Variants in WDR90 observed in about 807,000 individuals in gnomAD.
The protein encoded by WDR90 is WD repeat domain 90, also known as WD repeat-containing protein 90.
In WDR90, 238 loss-of-function variants were observed where a neutral mutation model predicts 195.2. The observed-to-expected ratio is 1.22, with a 90% CI of 1.10 to 1.36. WDR90 has a LOEUF of 1.36. Among genes scored for constraint, WDR90 ranks in the 40% most tolerant of loss-of-function variants. The probability of loss-of-function intolerance (pLI) is 0.00; values close to 1 mark genes in which losing one functional copy is unlikely to be tolerated. For synonymous variants in WDR90, 1,265 were observed against 1,052.4 expected (o/e 1.20, Z -3.91); for missense variants, 2,734 against 2,439.5 (o/e 1.12, Z -2.54).
At chr16:664,619 C>T (rs540292275) in intron 34 of WDR90, among the ~76,000 whole-genome samples, 100 of 152,160 alleles carry the variant, frequency 6.6e-4, no homozygotes, top group Non-Finnish European at 1.0e-3. Flanking sequence ...AGGGCCCTCC[C>T]GGGGAGATGG....
Position 660,059 on chromosome 16 carries a change from C to G in WDR90, c.3186C>G (p.Gly1062=). The G allele has an allele frequency of 6.5e-7, 1 of 1,541,376 alleles. No homozygotes were observed. The highest frequency in any genetic ancestry group is 8.7e-7 in the Non-Finnish European group (1 of 1,145,700). The change falls in exon 27 of 41, where the codon GGC becomes GGG. Residue 1062 remains glycine, a splice_region_variant and synonymous_variant. Coordinates refer to ENST00000293879, the MANE Select transcript of WDR90 (RefSeq NM_145294.5). ...VCARPPEGGD[G]ARDTRNSGAP... is the part of the protein sequence containing the mutation. Reference sequence around the variant, plus strand: ...CAAGCTCTGCCTCCTCCCTGCCAGGCGCCAGGGACACCAGGAATTCGGGGG... The same window carrying G: ...CAAGCTCTGCCTCCTCCCTGCCAGGGGCCAGGGACACCAGGAATTCGGGGG...
At position 649,454 on chromosome 16, in the gene WDR90, G is replaced by GGGTCCC. The variant is rs2037592571; in HGVS notation, c.10+29_10+30insGTCCCG. Reference sequence around the variant, plus strand: ...AGCGCGCGGCTGGCGGGGGTCCCGAGGATCCCGGGTTCCGGGGTTCCGGGG... The same window carrying GGGTCCC: ...AGCGCGCGGCTGGCGGGGGTCCCGAGGGTCCCGATCCCGGGTTCCGGGGTTCCGGGG... On this transcript the variant is annotated intron_variant, in intron 1 of 40. Coordinates refer to ENST00000293879, the MANE Select transcript of WDR90 (RefSeq NM_145294.5). 3.1e-6 allele frequency: 4 copies of GGGTCCC among 1,296,008 alleles called. No individual in the cohort carries two copies. In the African/African-American group the frequency reaches 4.6e-5, roughly 15 times the overall value. 80.3% of individuals were successfully genotyped at this position (1,296,008 alleles called of 1,614,324 possible). A position where few individuals can be genotyped will look rare whatever the true frequency, so the allele number is the denominator to read the frequency against.
chr16:659,091 A>G lies in WDR90; in HGVS notation c.3017A>G (p.Gln1006Arg), dbSNP rs748343777. ...WDVLAPTESD[Q>R]SFPGAPPACK... The stretch of plus-strand genomic sequence containing the variant: ...CCTCTCTCCTCCCTCTCCAGCGACC[A>G]AAGCTTCCCCGGGGCCCCCCCAGCC... Residue 1006 changes from glutamine to arginine, a missense_variant, in exon 25 of 41, where the codon CAA (glutamine) becomes CGA (arginine). Physicochemically the swap from Gln to Arg is conservative, Grantham distance 43. Transcript: ENST00000293879. The G allele has an allele frequency of 3.7e-6, 6 of 1,612,786 alleles. No homozygotes were observed. The highest frequency in any genetic ancestry group is 3.3e-5 in the South Asian group (3 of 91,074).
Position 667,584 on chromosome 16 carries a change from C to G in WDR90, c.5242C>G (p.Leu1748Val), listed in dbSNP as rs746002839. The change falls in exon 41 of 41, where the codon CTC (leucine) becomes GTC (valine). Residue 1748 changes from leucine to valine, a missense_variant. By Grantham distance (32) the Leu-to-Val change is conservative (BLOSUM62 1). Coordinates refer to ENST00000293879, the MANE Select transcript of WDR90 (RefSeq NM_145294.5). ...NEILVWEVPG[L>V] Reference sequence around the variant, plus strand: ...GATCCTTGTGTGGGAGGTCCCCGGCCTCTGAGATGCAGCAGGGACTGTGGT... The same window carrying G: ...GATCCTTGTGTGGGAGGTCCCCGGCGTCTGAGATGCAGCAGGGACTGTGGT... 2 of 1,607,688 alleles carry G rather than the reference C, an allele frequency of 1.2e-6. No individual in the cohort carries two copies. Among genetic ancestry groups the G allele is most frequent in the East Asian group, 2.2e-5 (1 of 44,894 alleles).
chr16:666,955 C>T lies in WDR90; in HGVS notation c.5055C>T (p.Ser1685=), dbSNP rs776638027. 1 of 1,611,280 alleles carries T rather than the reference C, an allele frequency of 6.2e-7. No individual in the cohort carries two copies. The highest frequency in any genetic ancestry group is 2.2e-5 in the East Asian group (1 of 44,744). ...TTTTTGCCATGTCCCTGAGCCTGTC[C>T]CCCGGGACCCACCTCCTGGCTGTTG... ...LPFFAMSLSL[S]PGTHLLAVGF... The change falls in exon 40 of 41, where the codon TCC becomes TCT. Residue 1685 remains serine, a synonymous_variant. Transcript: ENST00000293879.
chr16:662,317 G>A lies in WDR90; in HGVS notation c.4131G>A (p.Lys1377=). ...GGGCTGTGTCGGAGCTGAGGTGCAAGGGCTCAGGCGCCAGGTGAGCTGTTC... is the reference window on the plus strand; with the variant it reads ...GGGCTGTGTCGGAGCTGAGGTGCAAAGGCTCAGGCGCCAGGTGAGCTGTTC... ...AVGAVSELRC[K]GSGASSVFME... The change falls in exon 33 of 41, where the codon AAG becomes AAA. Residue 1377 remains lysine, a synonymous_variant. Transcript: ENST00000293879. 6.4e-7 allele frequency: 1 copy of A among 1,566,192 alleles called. No homozygotes were observed. The highest frequency in any genetic ancestry group is 8.6e-7 in the Non-Finnish European group (1 of 1,156,778).
chr16:652,243 C>G lies in WDR90; in HGVS notation c.1053+204C>G, dbSNP rs75103814. ...AGTAAGGCAGGGCTTCTGCTCACCC[C>G]CAATGCGTCAGCCCCAGGTGGTCTG... On this transcript the variant is annotated intron_variant, in intron 9 of 40. Transcript: ENST00000293879. 8.2e-4 allele frequency: 664 copies of G among 805,300 alleles called. 2 individuals carry two copies. In the African/African-American group the frequency reaches 9.1e-3, roughly 11 times the overall value. The allele number at this position is 805,300 out of a possible 1,614,324, so 49.9% of individuals were successfully genotyped here.
At chr16:661,281 C>CCCAGCCTCCACTCCAG in intron 29 of WDR90, 61 bp from the exon 30 acceptor site, 2 of 1,540,202 alleles carry the variant, frequency 1.3e-6, no homozygotes, top group Non-Finnish European at 1.7e-6. Flanking sequence ...AGACGGCCAC[C>CCCAGCCTCCACTCCAG]CCAGCCTCCA....
chr16:655,265 G>A (rs774521194), intron 14 of WDR90, 42 bp from the exon 15 acceptor site: 14 of 1,610,460 alleles, frequency 8.7e-6, no homozygotes, highest in Admixed American at 3.3e-5. Context: ...GTGGGTCAGG[G>A]CGCTGCGAGC....
chr16:653,047 G>A (rs1030941138), intron 10 of WDR90, among the ~76,000 whole-genome samples: 4 of 152,196 alleles, frequency 2.6e-5, no homozygotes, highest in African/African-American at 9.6e-5. Context: ...CCCCCACCCC[G>A]GAGTTTCTTG....
chr16:652,160 C>T, intron 9 of WDR90, 121 bp downstream of exon 9: 1 of 1,236,214 alleles, frequency 8.1e-7, no homozygotes, highest in African/African-American at 1.5e-5. Context: ...GTTCAGCCTC[C>T]TGGCAAGGAG....
chr16:665,289 C>T (rs555906278), intron 34 of WDR90: 19 of 410,374 alleles, frequency 4.6e-5, no homozygotes, highest in African/African-American at 3.4e-4. Context: ...CTGCTAGGGA[C>T]GCACGGCCAC....
In WDR90 at chr16:658,308, G is replaced by T. The variant is rs369151964; in HGVS notation, c.2730G>T (p.Val910=). The change falls in exon 22 of 41, where the codon GTG becomes GTT. Residue 910 remains valine, a synonymous_variant. Coordinates refer to ENST00000293879, the MANE Select transcript of WDR90 (RefSeq NM_145294.5). ...LLVSTSSNRV[V]VLDAVSGRII... is the part of the protein sequence containing the mutation. Reference sequence around the variant, plus strand: ...TGTCCACCTCGTCCAACAGAGTCGTGGTGCTGGATGCTGTGTCGGGCCGCA... The same window carrying T: ...TGTCCACCTCGTCCAACAGAGTCGTTGTGCTGGATGCTGTGTCGGGCCGCA... 11 of 1,612,498 alleles carry T rather than the reference G, an allele frequency of 6.8e-6. No homozygotes were observed. The African/African-American group carries it at 1.5e-4, about 22-fold the overall frequency.
At position 656,288 on chromosome 16, in the gene WDR90, C is replaced by T; in HGVS notation, c.1967-14C>T. The T allele has an allele frequency of 6.3e-7, 1 of 1,599,008 alleles. No homozygotes were observed. Among genetic ancestry groups the T allele is most frequent in the Non-Finnish European group, 8.5e-7 (1 of 1,173,236 alleles). On this transcript the variant is annotated splice_polypyrimidine_tract_variant and intron_variant, in intron 17 of 40. Transcript: ENST00000293879. ...GGGTGGCCCTGGAGGCCCCTGACCCCACCCCACCCACAGAGCACGAGGGCC... is the reference window on the plus strand; with the variant it reads ...GGGTGGCCCTGGAGGCCCCTGACCCTACCCCACCCACAGAGCACGAGGGCC...
intron 30 of WDR90, 45 bp from the exon 31 acceptor site, chr16:661,552 G>C (rs760908619): frequency 2.4e-5 from 38 of 1,579,634 alleles, no homozygotes; most frequent in Non-Finnish European, 2.6e-6. Flanking sequence ...CCCCGGGGGG[G>C]GCTGCATCTG....
Position 666,325 on chromosome 16 carries a change from C to T in WDR90, c.4715C>T (p.Ser1572Phe), listed in dbSNP as rs980497586. Residue 1572 changes from serine to phenylalanine, a missense_variant, in exon 37 of 41, where the codon TCT becomes TTT. Physicochemically the swap from Ser to Phe is radical, Grantham distance 155. Coordinates refer to ENST00000293879, the MANE Select transcript of WDR90 (RefSeq NM_145294.5). The stretch of plus-strand genomic sequence containing the variant: ...AGTGACCACCAGGGCGCCCCAATCT[C>T]TACCATCTGTGTCACGTGCAAAGAG... ...VLSDHQGAPI[S>F]TICVTCKECE... is the part of the protein sequence containing the mutation. 4.3e-6 allele frequency: 7 copies of T among 1,612,610 alleles called. No homozygotes were observed. In the African/African-American group the frequency reaches 5.3e-5, roughly 12 times the overall value.
At chr16:665,877 T>A in intron 35 of WDR90, 73 bp from the exon 36 acceptor site, 1 of 1,552,824 alleles carries the variant, frequency 6.4e-7, no homozygotes, top group Non-Finnish European at 8.7e-7. Flanking sequence ...CGGGGCCGCC[T>A]CCTCCCTCTG....
At chr16:652,868 A>G (rs1213732639) in intron 10 of WDR90, among the ~76,000 whole-genome samples, 1 of 152,138 alleles carries the variant, frequency 6.6e-6, no homozygotes, top group Admixed American at 6.5e-5. Flanking sequence ...GTGTGGGGCC[A>G]GGCTGTGGGC....
rs368176772 is a variant in WDR90, at chr16:666,183, C to T, written c.4610-37C>T. 1.4e-4 allele frequency: 218 copies of T among 1,606,448 alleles called. No individual in the cohort carries two copies. In the Middle Eastern group the frequency reaches 1.5e-3, roughly 11 times the overall value. Reference sequence around the variant, plus strand: ...CCTGACCTGGCCCAGGTCCAGTCTCCGGGCTGGGGGCTCACAGGGTGACGG... The same window carrying T: ...CCTGACCTGGCCCAGGTCCAGTCTCTGGGCTGGGGGCTCACAGGGTGACGG... On this transcript the variant is annotated intron_variant, in intron 36 of 40. Transcript: ENST00000293879.
Sources: allele counts gnomAD v4.1 joint callset (sites outside exome capture counted in the v4.1 genomes callset), GRCh38; gene constraint gnomAD v4.1.1; transcripts MANE v1.5; gene names NCBI Gene and HGNC (gene_info 2026-07-23, HGNC 2026-07-21).